Variants in BBOX1 observed in about 807,000 individuals in gnomAD.
The protein encoded by BBOX1 is gamma-butyrobetaine dioxygenase.
A neutral mutation model predicts 41.6 loss-of-function variants in BBOX1; 35 were observed. The ratio of observed to expected loss-of-function variants is 0.84; its 90% CI spans 0.64 to 1.11. The LOEUF (loss-of-function observed/expected upper bound fraction) is 1.11. Ranked by LOEUF, BBOX1 falls within the 50% of genes most tolerant of loss-of-function variation. The pLI, the probability that BBOX1 is intolerant of heterozygous loss-of-function variation, is 0.00. For missense variants in BBOX1, 458 were observed against 460.6 expected (o/e 0.99, Z 0.05); for synonymous variants, 163 against 154.7 (o/e 1.05, Z -0.40).
At position 27,127,703 on chromosome 11, in the gene BBOX1, A is replaced by G. The variant is rs1859715486; in HGVS notation, c.*250A>G. 5.1e-6 allele frequency: 2 copies of G among 393,524 alleles called. No individual in the cohort carries two copies. The highest frequency in any genetic ancestry group is 9.0e-6 in the Non-Finnish European group (2 of 222,460). The allele number at this position is 393,524 out of a possible 1,614,324, so 24.4% of individuals were successfully genotyped here. ...ATGCCTGCTCTAATTTCTTTTGCCC[A>G]TATATGAGTATCTCCAGAATGTCTA... On this transcript the variant is annotated 3_prime_UTR_variant, in exon 9 of 9. Coordinates refer to ENST00000263182, the MANE Select transcript of BBOX1 (RefSeq NM_003986.3).
At chr11:27,054,415 G>A (rs541211010) in intron 2 of BBOX1, among the ~76,000 whole-genome samples, 18 of 152,064 alleles carry the variant, frequency 1.2e-4, no homozygotes, top group Non-Finnish European at 1.9e-4. Context: ...CTTCATCCAC[G>A]TAAGTTTAGA....
chr11:27,093,893 G>A (rs1451907948), intron 5 of BBOX1, among the ~76,000 whole-genome samples: 1 of 151,916 alleles, frequency 6.6e-6, no homozygotes, highest in Admixed American at 6.6e-5. Flanking sequence ...CCAAGCATTG[G>A]GGGTTAGGGC....
intron 4 of BBOX1, among the ~76,000 whole-genome samples, chr11:27,088,091 T>G (rs1374726147): frequency 2.0e-5 from 3 of 151,972 alleles, no homozygotes; most frequent in Admixed American, 1.3e-4. Flanking sequence ...TGAGTGTGTG[T>G]GGGTGCTATT....
chr11:27,083,344 G>A (rs1042741290), intron 4 of BBOX1, among the ~76,000 whole-genome samples: 6 of 152,118 alleles, frequency 3.9e-5, no homozygotes, highest in African/African-American at 1.4e-4. Context: ...CATAGGTCAT[G>A]AAGAACTTAC....
intron 4 of BBOX1, among the ~76,000 whole-genome samples, chr11:27,075,854 G>T (rs1435908289): frequency 6.6e-6 from 1 of 152,184 alleles, no homozygotes. Context: ...AGCTGTGTCT[G>T]CAGTGATTGG....
intron 4 of BBOX1, among the ~76,000 whole-genome samples, chr11:27,072,474 A>G (rs1857486528): frequency 6.6e-6 from 1 of 152,200 alleles, no homozygotes; most frequent in African/African-American, 2.4e-5. Flanking sequence ...AAGAATCAAT[A>G]TCGTGAAAAT....
At chr11:27,049,005 T>A (rs545676179) in intron 2 of BBOX1, among the ~76,000 whole-genome samples, 5 of 151,026 alleles carry the variant, frequency 3.3e-5, no homozygotes, top group Admixed American at 6.6e-5. Flanking sequence ...GTGTTTGGTT[T>A]TTTGTTCTTG....
chr11:27,107,858 G>C (rs1209780434), intron 5 of BBOX1, among the ~76,000 whole-genome samples: 1 of 151,938 alleles, frequency 6.6e-6, no homozygotes, highest in Non-Finnish European at 1.5e-5. Context: ...GTTGGATTTG[G>C]GATGCATAAG....
At chr11:27,118,957 C>T (rs893003844) in intron 6 of BBOX1, among the ~76,000 whole-genome samples, 12 of 151,602 alleles carry the variant, frequency 7.9e-5, no homozygotes, top group Non-Finnish European at 1.3e-4. Flanking sequence ...CTATGTAACA[C>T]CACTGGCCTA....
chr11:27,073,936 A>G (rs942785563), intron 4 of BBOX1, among the ~76,000 whole-genome samples: 9 of 152,088 alleles, frequency 5.9e-5, no homozygotes, highest in African/African-American at 2.2e-4. Flanking sequence ...AGGGGGAGGG[A>G]TAGCATTAGG....
At chr11:27,107,627 C>T (rs1306420508) in intron 5 of BBOX1, among the ~76,000 whole-genome samples, 4 of 151,964 alleles carry the variant, frequency 2.6e-5, no homozygotes, top group African/African-American at 7.2e-5. Flanking sequence ...TAGAATCTGT[C>T]TCTAATGAGG....
chr11:27,083,318 T>A (rs914105023), intron 4 of BBOX1, among the ~76,000 whole-genome samples: 5 of 152,098 alleles, frequency 3.3e-5, no homozygotes, highest in Admixed American at 6.6e-5. Context: ...AAAATAAAGA[T>A]AAGTGACATG....
intron 4 of BBOX1, among the ~76,000 whole-genome samples, chr11:27,073,033 G>T (rs543286920): frequency 1.7e-4 from 26 of 152,230 alleles, no homozygotes; most frequent in African/African-American, 5.8e-4. Flanking sequence ...AACACCAAAA[G>T]CAATGGCAAC....
At chr11:27,113,019 A>C (rs1859129311) in intron 5 of BBOX1, among the ~76,000 whole-genome samples, 1 of 152,118 alleles carries the variant, frequency 6.6e-6, no homozygotes, top group Admixed American at 6.6e-5. Flanking sequence ...TTTCAAAAGA[A>C]GACGTATACA....
chr11:27,061,644 T>C (rs967256677), intron 4 of BBOX1, among the ~76,000 whole-genome samples: 1 of 152,174 alleles, frequency 6.6e-6, no homozygotes, highest in Admixed American at 6.5e-5. Context: ...AGCATAACCC[T>C]TGGAGTGAGG....
At chr11:27,085,313 T>C (rs2134024239) in intron 4 of BBOX1, among the ~76,000 whole-genome samples, 2 of 152,280 alleles carry the variant, frequency 1.3e-5, no homozygotes, top group Middle Eastern at 6.8e-3. Flanking sequence ...CGCAAGCAAG[T>C]CTATCAGCAC....
At chr11:27,050,286 G>C (rs1316318391) in intron 2 of BBOX1, among the ~76,000 whole-genome samples, 1 of 152,094 alleles carries the variant, frequency 6.6e-6, no homozygotes. Flanking sequence ...CTGATAATGT[G>C]ATAGTTCCAA....
chr11:27,094,596 A>C (rs1858370997), intron 5 of BBOX1, among the ~76,000 whole-genome samples: 1 of 151,822 alleles, frequency 6.6e-6, no homozygotes, highest in Admixed American at 6.6e-5. Flanking sequence ...AGAGAGGTAG[A>C]CTCACTCTCC....
intron 4 of BBOX1, among the ~76,000 whole-genome samples, chr11:27,081,802 A>T (rs1857846709): frequency 1.3e-5 from 2 of 152,150 alleles, no homozygotes. Flanking sequence ...TTCACTAATG[A>T]CCAGTGATGA....
Sources: gnomAD v4.1 joint callset for allele counts (sites outside exome capture counted in the v4.1 genomes callset) on GRCh38, gnomAD v4.1.1 for gene constraint, MANE v1.5 for transcripts, NCBI Gene and HGNC (gene_info 2026-07-23, HGNC 2026-07-21) for gene names.